The following CACNA1E variants were observed in gnomAD, a reference collection of about 807,000 sequenced individuals.
The protein encoded by CACNA1E is calcium voltage-gated channel subunit alpha1 E, also known as voltage-dependent R-type calcium channel subunit alpha-1E.
Under a neutral mutation model 259.2 loss-of-function variants are expected in CACNA1E, and 40 were observed. That is an observed-to-expected ratio of 0.15 (90% CI 0.12 to 0.20). The LOEUF is 0.20. Among genes scored for constraint, CACNA1E ranks in the 10% least tolerant of loss-of-function variants. The probability of loss-of-function intolerance (pLI) is 1.00; values close to 1 mark genes in which losing one functional copy is unlikely to be tolerated. For synonymous variants in CACNA1E, 1,104 were observed against 1,138.5 expected, an observed-to-expected ratio of 0.97 and a Z score of 0.61; for missense variants, 1,874 against 3,040.1, an observed-to-expected ratio of 0.62 and a Z score of 9.02.
chr1:181,443,031 T>C (rs1199120156), intron 2 of CACNA1E, among the ~76,000 whole-genome samples: 1 of 152,192 alleles, frequency 6.6e-6, no homozygotes, highest in Admixed American at 6.5e-5. Flanking sequence ...GCTGGCCCAG[T>C]GCAGAGGGGC....
intron 30 of CACNA1E, 98 bp from the exon 31 acceptor site, chr1:181,757,849 T>C: frequency 1.5e-6 from 2 of 1,347,738 alleles, no homozygotes; most frequent in Non-Finnish European, 1.0e-6. Flanking sequence ...CTGCCCTTTT[T>C]CCCATTCACC....
chr1:181,472,918 G>A (rs189345560), intron 2 of CACNA1E, among the ~76,000 whole-genome samples: 7 of 152,306 alleles, frequency 4.6e-5, no homozygotes, highest in African/African-American at 1.7e-4. Context: ...AGCACTGTGA[G>A]TCTGTGGGTG....
chr1:181,430,752 G>A (rs542859952), intron 2 of CACNA1E, among the ~76,000 whole-genome samples: 1 of 152,182 alleles, frequency 6.6e-6, no homozygotes, highest in Non-Finnish European at 1.5e-5. Context: ...AGCTTTAGCT[G>A]TCTGCCCAAC....
intron 6 of CACNA1E, among the ~76,000 whole-genome samples, chr1:181,640,870 G>C (rs1657685682): frequency 6.6e-6 from 1 of 152,146 alleles, no homozygotes; most frequent in Non-Finnish European, 1.5e-5. Context: ...AATATTCTAG[G>C]CATTTGTAGA....
chr1:181,752,184 G>A lies in CACNA1E; in HGVS notation c.3773G>A (p.Arg1258Gln). ...GRDIKTIKSL[R>Q]VLRVLRPLKT... ...GACATCAAGACCATCAAGTCTCTGC[G>A]GGTGCTCCGAGTTCTAAGGCCACTG... Residue 1258 changes from arginine (R) to glutamine (Q), a missense_variant, in exon 27 of 48, where the codon CGG becomes CAG. By Grantham distance (43) the Arg-to-Gln change is conservative. Coordinates refer to ENST00000367573, the MANE Select transcript of CACNA1E (RefSeq NM_001205293.3). 6.2e-7 allele frequency: 1 copy of A among 1,613,892 alleles called. No individual in the cohort carries two copies. Among genetic ancestry groups the A allele is most frequent in the Non-Finnish European group, 8.5e-7 (1 of 1,179,826 alleles).
intron 7 of CACNA1E, among the ~76,000 whole-genome samples, chr1:181,657,731 C>T (rs959926503): frequency 7.2e-5 from 11 of 152,190 alleles, no homozygotes; most frequent in South Asian, 2.1e-4. Flanking sequence ...AGTAATCCAA[C>T]GACGTGGTAC....
intron 2 of CACNA1E, among the ~76,000 whole-genome samples, chr1:181,473,278 G>A (rs961950098): frequency 1.3e-5 from 2 of 152,114 alleles, no homozygotes; most frequent in Non-Finnish European, 2.9e-5. Flanking sequence ...GCTCAGGGTT[G>A]GGACATTTTG....
intron 1 of CACNA1E, among the ~76,000 whole-genome samples, chr1:181,509,532 C>T (rs1295038563): frequency 1.3e-5 from 2 of 152,136 alleles, no homozygotes; most frequent in African/African-American, 4.8e-5. Context: ...TTGTGTTTGT[C>T]GTAACAGTAA....
chr1:181,428,249 C>T (rs1659450181), intron 2 of CACNA1E, among the ~76,000 whole-genome samples: 1 of 152,322 alleles, frequency 6.6e-6, no homozygotes, highest in Admixed American at 6.5e-5. Context: ...TCTCTGGCCC[C>T]ACTGGAGAGG....
At chr1:181,328,968 C>G (rs770247816) in intron 1 of CACNA1E, among the ~76,000 whole-genome samples, 1 of 152,198 alleles carries the variant, frequency 6.6e-6, no homozygotes, top group African/African-American at 2.4e-5. Context: ...CTCCTAAGCT[C>G]TAGACCTCTA....
chr1:181,473,849 C>G (rs1662671160), intron 2 of CACNA1E, among the ~76,000 whole-genome samples: 1 of 152,218 alleles, frequency 6.6e-6, no homozygotes, highest in Non-Finnish European at 1.5e-5. Context: ...CACCCACCAC[C>G]TATGTGACCA....
At chr1:181,544,102 T>C (rs59161900) in intron 3 of CACNA1E, among the ~76,000 whole-genome samples, 12,301 of 152,196 alleles carry the variant, frequency 0.081, 1,682 homozygotes, top group African/African-American at 0.28. Context: ...AAATGTGGCA[T>C]GTCAGACAAT....
At chr1:181,600,814 A>G (rs1653668532) in intron 6 of CACNA1E, among the ~76,000 whole-genome samples, 1 of 152,170 alleles carries the variant, frequency 6.6e-6, no homozygotes, top group Admixed American at 6.5e-5. Context: ...TCAGAGCAAG[A>G]GATATACACT....
intron 35 of CACNA1E, among the ~76,000 whole-genome samples, chr1:181,768,841 T>C (rs575635892): frequency 1.3e-5 from 2 of 152,286 alleles, no homozygotes; most frequent in Non-Finnish European, 2.9e-5. Flanking sequence ...CTGTTTCTAA[T>C]ATAGTCACAA....
chr1:181,494,540 T>A (rs1159106098), intron 1 of CACNA1E, among the ~76,000 whole-genome samples: 1 of 152,186 alleles, frequency 6.6e-6, no homozygotes, highest in African/African-American at 2.4e-5. Context: ...GAGATCCTTT[T>A]CAACTGAGAA....
chr1:181,516,072 A>G (rs1014863091), intron 3 of CACNA1E, among the ~76,000 whole-genome samples: 1 of 152,170 alleles, frequency 6.6e-6, no homozygotes, highest in Admixed American at 6.5e-5. Flanking sequence ...TAGGAAAATG[A>G]AAGCTGGGAG....
chr1:181,481,824 C>T (rs1477447234), upstream of CACNA1E, among the ~76,000 whole-genome samples: 3 of 150,066 alleles, frequency 2.0e-5, no homozygotes, highest in Non-Finnish European at 4.5e-5. Context: ...GCTCAGATAC[C>T]AATTCTATTT....
intron 1 of CACNA1E, among the ~76,000 whole-genome samples, chr1:181,389,829 G>A (rs1036953871): frequency 1.3e-5 from 2 of 152,190 alleles, no homozygotes; most frequent in African/African-American, 4.8e-5. Flanking sequence ...AGGAGCTGAG[G>A]GAGAGAATGA....
At chr1:181,331,874 G>T (rs939118348) in intron 1 of CACNA1E, among the ~76,000 whole-genome samples, 1 of 152,068 alleles carries the variant, frequency 6.6e-6, no homozygotes, top group Non-Finnish European at 1.5e-5. Context: ...CAGGTTTGTC[G>T]AAGATCAGAT....
Sources: allele counts gnomAD v4.1 joint callset (sites outside exome capture counted in the v4.1 genomes callset), GRCh38; gene constraint gnomAD v4.1.1; transcripts MANE v1.5; gene names NCBI Gene and HGNC (gene_info 2026-07-23, HGNC 2026-07-21).